PHF21A: variants seen among roughly 807,000 people sequenced by gnomAD.
The protein encoded by PHF21A is PHD finger protein 21A.
In PHF21A, 11 loss-of-function variants were observed where a neutral mutation model predicts 82.5. The ratio of observed to expected loss-of-function variants is 0.13; its 90% CI spans 0.08 to 0.22. The LOEUF (loss-of-function observed/expected upper bound fraction) is 0.22. PHF21A is among the 10% of genes least tolerant of loss of function. PHF21A has a pLI of 1.00. For synonymous variants in PHF21A, 297 were observed against 302.8 expected (o/e 0.98, Z 0.20); for missense variants, 579 against 837.8 (o/e 0.69, Z 3.81).
intron 3 of PHF21A, among the ~76,000 whole-genome samples, chr11:46,090,119 G>A (rs1423873533): frequency 6.6e-6 from 1 of 151,792 alleles, no homozygotes; most frequent in Non-Finnish European, 1.5e-5. Flanking sequence ...GGAAAACTGA[G>A]TAAATTTTAA....
intron 6 of PHF21A, among the ~76,000 whole-genome samples, chr11:45,998,864 C>T (rs2095013396): frequency 6.6e-6 from 1 of 151,588 alleles, no homozygotes; most frequent in Non-Finnish European, 1.5e-5. Flanking sequence ...ACTCTGTTGC[C>T]CAGGCTGGAG....
In PHF21A at chr11:45,979,820, C is replaced by T. The variant is rs1013324974; in HGVS notation, c.300G>A (p.Gln100=). Residue 100 remains glutamine (Q), a synonymous_variant, in exon 7 of 19, where the codon CAG becomes CAA. Coordinates refer to ENST00000676320, the MANE Select transcript of PHF21A (RefSeq NM_001352027.3). ...QPLQQLQQQQ[Q]YHHHHAQQSA... ...ACTGCTGGGCGTGGTGGTGGTGGTA[C>T]TGCTGCTGTTGTTGTAGTTGCTGTA... 11 of 1,613,966 alleles carry T rather than the reference C, an allele frequency of 6.8e-6. No individual in the cohort carries two copies. The highest frequency in any genetic ancestry group is 8.5e-7 in the Non-Finnish European group (1 of 1,180,034).
intron 6 of PHF21A, among the ~76,000 whole-genome samples, chr11:45,995,462 G>C (rs1350367904): frequency 6.6e-6 from 1 of 152,124 alleles, no homozygotes; most frequent in Non-Finnish European, 1.5e-5. Context: ...CAGTTATACT[G>C]TCATAATTTT....
At chr11:46,067,079 CCTTATGTATTACTTA>C (rs1311282144) in intron 6 of PHF21A, among the ~76,000 whole-genome samples, 10 of 152,078 alleles carry the variant, frequency 6.6e-5, no homozygotes, top group South Asian at 2.1e-4. Context: ...TACTAATGCA[CCTTATGTATTACTTA>C]CTTATGTATT....
At chr11:45,980,251 C>A (rs1367997153) in intron 6 of PHF21A, among the ~76,000 whole-genome samples, 1 of 152,194 alleles carries the variant, frequency 6.6e-6, no homozygotes, top group Non-Finnish European at 1.5e-5. Context: ...CTATTATTAA[C>A]TTAGCATGCT....
At chr11:46,010,733 A>G (rs1418639714) in intron 6 of PHF21A, among the ~76,000 whole-genome samples, 1 of 152,206 alleles carries the variant, frequency 6.6e-6, no homozygotes, top group African/African-American at 2.4e-5. Flanking sequence ...GGAAAAAGAT[A>G]TATGTATTTC....
rs2091219177 is a variant in PHF21A, at chr11:45,945,915, A to C, written c.1377T>G (p.Asn459Lys). 6.2e-7 allele frequency: 1 copy of C among 1,612,474 alleles called. No homozygotes were observed. The highest frequency in any genetic ancestry group is 2.2e-5 in the East Asian group (1 of 44,844). Residue 459 changes from asparagine to lysine, a missense_variant, in exon 15 of 19, where the codon AAT becomes AAG. By Grantham distance (94) the Asn-to-Lys change is moderately conservative (BLOSUM62 0). Transcript: ENST00000676320. ...PQSSHPDSPE[N>K]EKTETTFTFP... The stretch of plus-strand genomic sequence containing the variant: ...AAGTGAATGTGGTCTCTGTCTTTTC[A>C]TTTTCAGGGGAGTCAGGATGACTGG...
At chr11:45,983,034 A>G (rs1426626413) in intron 6 of PHF21A, among the ~76,000 whole-genome samples, 3 of 152,326 alleles carry the variant, frequency 2.0e-5, no homozygotes, top group African/African-American at 7.2e-5. Context: ...CCCAGAACCC[A>G]TTTCCAATGT....
intron 6 of PHF21A, among the ~76,000 whole-genome samples, chr11:46,016,122 A>G (rs1431064819): frequency 6.6e-6 from 1 of 152,218 alleles, no homozygotes; most frequent in African/African-American, 2.4e-5. Context: ...TACGCTACCA[A>G]GTAGTTATGA....
intron 1 of PHF21A, chr11:46,117,445 C>T (rs1395746976): frequency 3.9e-5 from 6 of 152,230 alleles, no homozygotes; most frequent in Admixed American, 2.6e-4. Context: ...ACTTGACTTA[C>T]AGTTCAAGAA....
At chr11:45,978,030 G>A (rs767989689) in intron 7 of PHF21A, among the ~76,000 whole-genome samples, 8 of 151,994 alleles carry the variant, frequency 5.3e-5, no homozygotes, top group East Asian at 1.9e-4. Context: ...GGCCGGTTGC[G>A]GTGGCTCACA....
chr11:46,100,435 C>T (rs1000755652), intron 1 of PHF21A, among the ~76,000 whole-genome samples: 3 of 151,872 alleles, frequency 2.0e-5, no homozygotes, highest in Non-Finnish European at 4.4e-5. Flanking sequence ...AAATGAATAC[C>T]GGTTAAAAGA....
intron 6 of PHF21A, among the ~76,000 whole-genome samples, chr11:46,074,465 G>A (rs531558125): frequency 1.3e-5 from 2 of 151,612 alleles, no homozygotes; most frequent in Non-Finnish European, 2.9e-5. Context: ...TGGCGGGAGG[G>A]GGGAAGGCAT....
intron 6 of PHF21A, among the ~76,000 whole-genome samples, chr11:46,063,378 A>C (rs2096559000): frequency 6.6e-6 from 1 of 152,210 alleles, no homozygotes; most frequent in Non-Finnish European, 1.5e-5. Flanking sequence ...CAAACTTTCT[A>C]AAAATAACCA....
At chr11:45,970,315 C>T (rs2093673086) in intron 8 of PHF21A, 1 of 190,910 alleles carries the variant, frequency 5.2e-6, no homozygotes, top group African/African-American at 2.4e-5. Flanking sequence ...AGAAAATTTT[C>T]TAACTCTCAG....
intron 1 of PHF21A, among the ~76,000 whole-genome samples, chr11:46,113,438 C>CA (rs377599410): frequency 4.1e-4 from 63 of 151,964 alleles, no homozygotes; most frequent in African/African-American, 1.4e-3. Context: ...GCTGAAAAAG[C>CA]AAAAAAACTT....
intron 6 of PHF21A, among the ~76,000 whole-genome samples, chr11:46,065,736 A>G (rs184146798): frequency 6.6e-6 from 1 of 152,376 alleles, no homozygotes; most frequent in East Asian, 1.9e-4. Flanking sequence ...TTCTTTAACA[A>G]AAGTTGTTTA....
chr11:45,934,386 C>A, intron 18 of PHF21A, 161 bp from the exon 19 acceptor site: 3 of 679,642 alleles, frequency 4.4e-6, no homozygotes, highest in Non-Finnish European at 7.3e-6. Context: ...GAGTGGGCGG[C>A]TACCACCTAA....
Position 45,969,798 on chromosome 11 carries a change from G to C in PHF21A, c.702+17C>G. On this transcript the variant is annotated intron_variant, in intron 9 of 18. Coordinates refer to ENST00000676320, the MANE Select transcript of PHF21A (RefSeq NM_001352027.3). ...TCCCATCTAACCTATCATTGAGCTT[G>C]TCATTGGTTTACTCACCTGTGGAAG... 2 of 1,535,422 alleles carry C rather than the reference G, an allele frequency of 1.3e-6. No individual in the cohort carries two copies. Among genetic ancestry groups the C allele is most frequent in the Non-Finnish European group, 1.8e-6 (2 of 1,108,492 alleles).
Sources: allele counts gnomAD v4.1 joint callset (sites outside exome capture counted in the v4.1 genomes callset), GRCh38; gene constraint gnomAD v4.1.1; transcripts MANE v1.5; gene names NCBI Gene and HGNC (gene_info 2026-07-23, HGNC 2026-07-21).